The following OPCML variants were observed in gnomAD, a reference collection of about 807,000 sequenced individuals.
The protein encoded by OPCML is opioid-binding protein/cell adhesion molecule.
In OPCML, 13 loss-of-function variants were observed where a neutral mutation model predicts 37.8. That is an observed-to-expected ratio of 0.34 (90% confidence interval 0.22 to 0.55). The LOEUF is 0.55. OPCML is among the 20% of genes least tolerant of loss of function. The pLI, the probability that OPCML is intolerant of heterozygous loss-of-function variation, is 0.91. For synonymous variants in OPCML, 176 were observed against 168.8 expected (o/e 1.04, Z -0.33); for missense variants, 341 against 435.6 (o/e 0.78, Z 1.93).
rs929171718 is a variant in OPCML, at chr11:132,475,126, G to A, written c.506-37767C>T. Among the ~76,000 whole-genome samples the A allele has an allele frequency of 2.0e-5, 3 of 152,126 alleles. No homozygotes were observed. The South Asian group carries it at 6.2e-4, about 32-fold the overall frequency. ...CAGATTCCACTGGAGAGAAGCAAAG[G>A]TTGGGTTTTGGAGAGTTCTTTATGA... On this transcript the variant is annotated intron_variant, in intron 4 of 7. Coordinates refer to ENST00000524381, the MANE Select transcript of OPCML (RefSeq NM_001012393.5).
intron 1 of OPCML, among the ~76,000 whole-genome samples, chr11:133,035,417 C>T (rs920480437): frequency 2.0e-5 from 3 of 152,200 alleles, no homozygotes; most frequent in Non-Finnish European, 2.9e-5. Context: ...CCTCCAAGCT[C>T]ACTCTGATGA....
chr11:133,148,182 T>C (rs528659207), intron 1 of OPCML, among the ~76,000 whole-genome samples: 1 of 152,336 alleles, frequency 6.6e-6, no homozygotes, highest in South Asian at 2.1e-4. Context: ...GAAGATCCAC[T>C]GAGAGCTCCC....
chr11:132,788,126 A>C (rs945357712), intron 2 of OPCML, among the ~76,000 whole-genome samples: 37 of 152,064 alleles, frequency 2.4e-4, no homozygotes, highest in Non-Finnish European at 8.8e-5. Flanking sequence ...TGAGTCACCC[A>C]CCTCGGCCTC....
intron 2 of OPCML, among the ~76,000 whole-genome samples, chr11:132,689,380 A>G (rs1239031275): frequency 1.3e-5 from 2 of 152,192 alleles, no homozygotes; most frequent in Non-Finnish European, 2.9e-5. Flanking sequence ...GTAAAGAGTA[A>G]TGGTTTTGTT....
At position 133,348,142 on chromosome 11, in the gene OPCML, A is replaced by G. The variant is rs577711402; in HGVS notation, c.61+184122T>C. On this transcript the variant is annotated intron_variant, in intron 1 of 7. Coordinates refer to ENST00000524381, the MANE Select transcript of OPCML (RefSeq NM_001012393.5). ...TAGAATTTGTCTTCTTTGATTACTC[A>G]CTGTGACTAAAGTCTCTGTTATGAA... is the stretch of plus-strand genomic sequence containing the variant. Among the ~76,000 whole-genome samples the G allele has an allele frequency of 1.2e-3, 177 of 152,332 alleles. 1 individual carries two copies. The highest frequency in any genetic ancestry group is 1.8e-3 in the Non-Finnish European group (124 of 68,040).
Position 133,109,183 on chromosome 11 carries a change from G to A in OPCML, c.62-166173C>T, listed in dbSNP as rs557785675. On this transcript the variant is annotated intron_variant, in intron 1 of 7. Transcript: ENST00000524381. The stretch of plus-strand genomic sequence containing the variant: ...GGAGTTGGTTCCTTCCGGTGGGTTC[G>A]TGGTCTTCCTGACTTCAACAATGAA... Among the ~76,000 whole-genome samples the A allele has an allele frequency of 2.6e-5, 4 of 152,150 alleles. No homozygotes were observed. The South Asian group carries it at 6.2e-4, about 24-fold the overall frequency.
chr11:133,208,417 C>G lies in OPCML; in HGVS notation c.62-265407G>C, dbSNP rs1939201719. ...GGATTTTATAACTCTCTGGAGTTTA[C>G]TCTGGGCGCAGGATGTGGTGCAGAG... On this transcript the variant is annotated intron_variant, in intron 1 of 7. Coordinates refer to ENST00000524381, the MANE Select transcript of OPCML (RefSeq NM_001012393.5). The surrounding 1 kb of genome is among the most constrained non-coding windows in gnomAD (Gnocchi z 8.9). Among the ~76,000 whole-genome samples, 1 of 152,152 alleles carries G rather than the reference C, an allele frequency of 6.6e-6. No homozygotes were observed. Among genetic ancestry groups the G allele is most frequent in the Non-Finnish European group, 1.5e-5 (1 of 68,038 alleles).
intron 2 of OPCML, among the ~76,000 whole-genome samples, chr11:132,915,118 A>G (rs1419534088): frequency 6.6e-6 from 1 of 152,220 alleles, no homozygotes; most frequent in Non-Finnish European, 1.5e-5. Flanking sequence ...TATACAGAAC[A>G]TGTGTATCCC....
At chr11:133,334,779 T>A (rs1037622393) in intron 1 of OPCML, among the ~76,000 whole-genome samples, 1 of 152,154 alleles carries the variant, frequency 6.6e-6, no homozygotes, top group Non-Finnish European at 1.5e-5. Flanking sequence ...CCATAATCAA[T>A]GGACTTTGGT....
intron 4 of OPCML, among the ~76,000 whole-genome samples, chr11:132,499,842 T>C (rs551644258): frequency 6.6e-6 from 1 of 152,360 alleles, no homozygotes; most frequent in South Asian, 2.1e-4. Flanking sequence ...CATCACGGTA[T>C]GTTCTGCCAA....
intron 2 of OPCML, among the ~76,000 whole-genome samples, chr11:132,893,199 T>C (rs534532474): frequency 8.1e-4 from 123 of 151,664 alleles, no homozygotes; most frequent in African/African-American, 2.9e-3. Context: ...AGGCCTATGG[T>C]TGCAGTGAGC....
intron 1 of OPCML, among the ~76,000 whole-genome samples, chr11:133,215,651 T>C (rs912160181): frequency 6.6e-6 from 1 of 152,136 alleles, no homozygotes; most frequent in African/African-American, 2.4e-5. Context: ...GCAGACCTTG[T>C]TGGCAGGGGC....
intron 1 of OPCML, among the ~76,000 whole-genome samples, chr11:133,410,121 G>A (rs559213519): frequency 2.0e-5 from 3 of 152,260 alleles, no homozygotes; most frequent in African/African-American, 7.2e-5. Flanking sequence ...GCATAGCTAC[G>A]GCATATAAGT....
intron 4 of OPCML, among the ~76,000 whole-genome samples, chr11:132,466,101 C>T (rs1056865987): frequency 1.4e-4 from 21 of 152,178 alleles, no homozygotes; most frequent in African/African-American, 4.6e-4. Context: ...GCCATCCTCC[C>T]TTTCAGACTC....
chr11:133,211,025 G>A lies in OPCML; in HGVS notation c.62-268015C>T, dbSNP rs868619127. Among the ~76,000 whole-genome samples the A allele has an allele frequency of 1.2e-4, 18 of 152,248 alleles. No individual in the cohort carries two copies. The South Asian group carries it at 3.5e-3, about 30-fold the overall frequency. ...TGAAAAACAAAAATTAAAAAAATGT[G>A]CAGAGAAGTCTCTCTACAAACTATA... is the stretch of plus-strand genomic sequence containing the variant. On this transcript the variant is annotated intron_variant, in intron 1 of 7. Transcript: ENST00000524381. This position sits in a 1 kb window ranked among gnomAD's most constrained non-coding sequence, Gnocchi z 4.1.
chr11:132,480,239 C>T (rs539408351), intron 4 of OPCML, among the ~76,000 whole-genome samples: 35 of 151,900 alleles, frequency 2.3e-4, no homozygotes, highest in African/African-American at 4.8e-4. Context: ...CCTCAGGAGC[C>T]GATGCAATCA....
intron 3 of OPCML, among the ~76,000 whole-genome samples, chr11:132,563,244 T>C (rs148704207): frequency 1.3e-5 from 2 of 152,206 alleles, no homozygotes; most frequent in Non-Finnish European, 2.9e-5. Context: ...AGCCAGGGAG[T>C]TTGACCTCAG....
intron 1 of OPCML, among the ~76,000 whole-genome samples, chr11:133,091,932 A>C (rs907893070): frequency 6.6e-6 from 1 of 152,154 alleles, no homozygotes; most frequent in Non-Finnish European, 1.5e-5. Flanking sequence ...TTGGAGGCGT[A>C]GGGGTGGAAT....
intron 1 of OPCML, among the ~76,000 whole-genome samples, chr11:133,373,557 G>A (rs1944731810): frequency 6.6e-6 from 1 of 150,446 alleles, no homozygotes; most frequent in Admixed American, 6.6e-5. Context: ...CCTGGGAGGT[G>A]GAGGTTGCAG....
Sources: gnomAD v4.1 joint callset for allele counts (sites outside exome capture counted in the v4.1 genomes callset) on GRCh38, gnomAD v4.1.1 for gene constraint, Gnocchi (gnomAD v3.1) non-coding constraint, MANE v1.5 for transcripts, NCBI Gene and HGNC (gene_info 2026-07-23, HGNC 2026-07-21) for gene names.